The following MSL2 variants were observed in gnomAD, a reference collection of about 807,000 sequenced individuals.
The protein encoded by MSL2 is MSL complex subunit 2.
Under a neutral mutation model 35.8 loss-of-function variants are expected in MSL2, and 2 were observed. The observed-to-expected ratio is 0.06, with a 90% CI of 0.02 to 0.18. The LOEUF is 0.18. MSL2 is among the 10% of genes least tolerant of loss of function. The pLI is 1.00. For missense variants in MSL2, 523 were observed against 706.7 expected (o/e 0.74, Z 2.95); for synonymous variants, 296 against 255.7 (o/e 1.16, Z -1.50).
intron 1 of MSL2, among the ~76,000 whole-genome samples, chr3:136,190,667 T>C (rs759594396): frequency 3.2e-4 from 48 of 152,188 alleles, no homozygotes; most frequent in Non-Finnish European, 2.5e-4. Flanking sequence ...TTTTTGATTG[T>C]ATACATCAGA....
At chr3:136,157,063 T>G (rs1393206549) in intron 1 of MSL2, among the ~76,000 whole-genome samples, 1 of 152,110 alleles carries the variant, frequency 6.6e-6, no homozygotes, top group Non-Finnish European at 1.5e-5. Flanking sequence ...AAAAGCAAAG[T>G]CTCAAGTCAA....
chr3:136,187,694 C>A (rs1391809484), intron 1 of MSL2, among the ~76,000 whole-genome samples: 1 of 151,684 alleles, frequency 6.6e-6, no homozygotes, highest in Non-Finnish European at 1.5e-5. Flanking sequence ...TTTTTTTTGA[C>A]CCCCAAATTA....
At chr3:136,179,861 T>C (rs1443120337) in intron 1 of MSL2, among the ~76,000 whole-genome samples, 1 of 151,696 alleles carries the variant, frequency 6.6e-6, no homozygotes, top group Non-Finnish European at 1.5e-5. Context: ...AGGTCAAGAG[T>C]TTGAGATCAG....
At chr3:136,155,735 C>A in intron 1 of MSL2, 1 of 512,738 alleles carries the variant, frequency 2.0e-6, no homozygotes, top group Non-Finnish European at 3.9e-6. Flanking sequence ...TGCTTCCCCT[C>A]CTTCTACAGA....
chr3:136,172,362 C>T (rs1940050617), intron 1 of MSL2, among the ~76,000 whole-genome samples: 1 of 152,056 alleles, frequency 6.6e-6, no homozygotes, highest in South Asian at 2.1e-4. Flanking sequence ...ACATACCTCC[C>T]ATACTCCCCC....
chr3:136,166,381 CTA>C (rs1246243156), intron 1 of MSL2, among the ~76,000 whole-genome samples: 2 of 151,236 alleles, frequency 1.3e-5, no homozygotes, highest in African/African-American at 4.9e-5. Flanking sequence ...GAGCGAGACT[CTA>C]TCTCAAAAAA....
chr3:136,159,674 A>C (rs761588849), intron 1 of MSL2, among the ~76,000 whole-genome samples: 14 of 151,800 alleles, frequency 9.2e-5, no homozygotes, highest in Non-Finnish European at 1.6e-4. Flanking sequence ...CTGGCCAAGG[A>C]GAGTATTTTC....
chr3:136,173,172 A>C lies in MSL2; in HGVS notation c.143-20434T>G, dbSNP rs150367147. ...AGCAAGACTTTGTCTCAAAATAAAC[A>C]AACAAACAAACAAAAGAAGGTGGAA... On this transcript the variant is annotated intron_variant, in intron 1 of 1. Transcript: ENST00000309993. Among the ~76,000 whole-genome samples, 54 of 152,150 alleles carry C rather than the reference A, an allele frequency of 3.5e-4. 2 individuals carry two copies. In the East Asian group the frequency reaches 9.5e-3, roughly 27 times the overall value.
In MSL2 at chr3:136,152,243, T is replaced by C; in HGVS notation, c.638A>G (p.Glu213Gly). Residue 213 changes from glutamate to glycine, a missense_variant, in exon 2 of 2, where the codon GAA becomes GGA. Glu to Gly is a moderately conservative substitution (Grantham distance 98). Transcript: ENST00000309993. ...DRFGINIPSP[E>G]HSNTIDVCNT... ...ACATACGTCAATCGTATTTGAATGT[T>C]CAGGTGAAGGAATATTTATACCAAA... is the stretch of plus-strand genomic sequence containing the variant. 6.2e-7 allele frequency: 1 copy of C among 1,614,194 alleles called. No homozygotes were observed.
intron 1 of MSL2, among the ~76,000 whole-genome samples, chr3:136,183,984 A>G (rs1940438622): frequency 6.6e-6 from 1 of 152,210 alleles, no homozygotes; most frequent in African/African-American, 2.4e-5. Flanking sequence ...AAAATAATTG[A>G]AGATCACATC....
intron 1 of MSL2, among the ~76,000 whole-genome samples, chr3:136,177,632 T>A (rs1456609267): frequency 7.4e-6 from 1 of 134,454 alleles, no homozygotes; most frequent in East Asian, 2.2e-4. Context: ...TGAGCTGAGA[T>A]CACGACACTG....
chr3:136,185,561 CAG>C (rs1181732500), intron 1 of MSL2, among the ~76,000 whole-genome samples: 1 of 149,592 alleles, frequency 6.7e-6, no homozygotes, highest in African/African-American at 2.4e-5. Flanking sequence ...GGGGAAGGGA[CAG>C]AGTCTCACTG....
rs137879743 is a variant in MSL2, at chr3:136,174,697, A to C, written c.142+20275T>G. 3.9e-5 allele frequency among the ~76,000 whole-genome samples: 6 copies of C among 152,266 alleles called. No individual in the cohort carries two copies. In the East Asian group the frequency reaches 9.6e-4, roughly 24 times the overall value. On this transcript the variant is annotated intron_variant, in intron 1 of 1. Transcript: ENST00000309993. ...CTCTACACACTAACTTCAATTTTTA[A>C]AGTTAGCCTTAAATGCTTCAAGTGG...
At chr3:136,187,581 G>A (rs1441487950) in intron 1 of MSL2, among the ~76,000 whole-genome samples, 1 of 151,530 alleles carries the variant, frequency 6.6e-6, no homozygotes, top group Non-Finnish European at 1.5e-5. Context: ...TAAGGCAGGA[G>A]AATAGCTTGA....
chr3:136,190,696 G>C (rs914537740), intron 1 of MSL2, among the ~76,000 whole-genome samples: 1 of 152,110 alleles, frequency 6.6e-6, no homozygotes, highest in African/African-American at 2.4e-5. Context: ...ATCATTTGAA[G>C]AGTTACAAGT....
chr3:136,155,114 C>T (rs975919535), intron 1 of MSL2, among the ~76,000 whole-genome samples: 1 of 151,614 alleles, frequency 6.6e-6, no homozygotes, highest in Non-Finnish European at 1.5e-5. Context: ...GGAGCTGAGG[C>T]AGGACAATCG....
At chr3:136,167,321 A>G (rs955407944) in intron 1 of MSL2, among the ~76,000 whole-genome samples, 10 of 151,136 alleles carry the variant, frequency 6.6e-5, no homozygotes, top group African/African-American at 2.5e-4. Context: ...AAAAGTGAAA[A>G]ATGGTTTAGT....
intron 1 of MSL2, among the ~76,000 whole-genome samples, chr3:136,192,546 T>C (rs1175396650): frequency 6.6e-6 from 1 of 150,824 alleles, no homozygotes; most frequent in Non-Finnish European, 1.5e-5. Context: ...TAGAAAAAAG[T>C]AGTGTTTTAG....
At position 136,174,762 on chromosome 3, in the gene MSL2, A is replaced by G. The variant is rs116442066; in HGVS notation, c.142+20210T>C. 6.4e-3 allele frequency among the ~76,000 whole-genome samples: 979 copies of G among 152,250 alleles called. 10 individuals are homozygous for G. Among genetic ancestry groups the G allele is most frequent in the African/African-American group, 0.023 (950 of 41,510 alleles). ...AAGCATTTGTACCATCTTCTGTGTA[A>G]AAGAGATTCCAACAAAAAACAAAGA... On this transcript the variant is annotated intron_variant, in intron 1 of 1. Coordinates refer to ENST00000309993, the MANE Select transcript of MSL2 (RefSeq NM_018133.4).
Sources: allele counts gnomAD v4.1 joint callset (sites outside exome capture counted in the v4.1 genomes callset), GRCh38; gene constraint gnomAD v4.1.1; transcripts MANE v1.5; gene names NCBI Gene and HGNC (gene_info 2026-07-23, HGNC 2026-07-21).